Variants in DCLK1 observed in about 807,000 individuals in gnomAD.
DCLK1 encodes the protein serine/threonine-protein kinase DCLK1.
In DCLK1, 16 loss-of-function variants were observed where a neutral mutation model predicts 86.2. The observed-to-expected ratio is 0.19, with a 90% confidence interval of 0.13 to 0.28. The LOEUF (loss-of-function observed/expected upper bound fraction) is 0.28, where lower values mean the gene tolerates loss of function less well. DCLK1 is among the 10% of genes least tolerant of loss of function. DCLK1 has a pLI of 1.00. For missense variants in DCLK1, 590 were observed against 940.2 expected (o/e 0.63, Z 4.87); for synonymous variants, 369 against 370.5 (o/e 1.00, Z 0.05).
rs1872252624 is a variant in DCLK1 at position 35,871,215 on chromosome 13, C to A, written c.940+9G>T. On this transcript the variant is annotated intron_variant, in intron 5 of 16. Coordinates refer to ENST00000360631, the MANE Select transcript of DCLK1 (RefSeq NM_001330071.2). Reference sequence around the variant, plus strand: ...GGCAATTTCTTCAAAATCCCCTCTGCTGCTTTACCTGAGCTGGTGGAGGCA... The same window carrying A: ...GGCAATTTCTTCAAAATCCCCTCTGATGCTTTACCTGAGCTGGTGGAGGCA... 2 of 1,610,094 alleles carry A rather than the reference C, an allele frequency of 1.2e-6. No individual in the cohort carries two copies. Among genetic ancestry groups the A allele is most frequent in the African/African-American group, 2.7e-5 (2 of 74,776 alleles).
At position 35,881,171 on chromosome 13, in the gene DCLK1, A is replaced by G. The variant is rs1384017886; in HGVS notation, c.824-9831T>C. Reference sequence around the variant, plus strand: ...CTAAGTCAGACTTGCAGAAAAATCAATAACAAATTACAATGGTCTAGCTCT... The same window carrying G: ...CTAAGTCAGACTTGCAGAAAAATCAGTAACAAATTACAATGGTCTAGCTCT... On this transcript the variant is annotated intron_variant, in intron 4 of 16. Coordinates refer to ENST00000360631, the MANE Select transcript of DCLK1 (RefSeq NM_001330071.2). Among the ~76,000 whole-genome samples, 3 of 152,200 alleles carry G rather than the reference A, an allele frequency of 2.0e-5. No homozygotes were observed. The East Asian group carries it at 5.8e-4, about 29-fold the overall frequency.
chr13:35,872,957 T>C (rs1249480328), intron 4 of DCLK1, among the ~76,000 whole-genome samples: 2 of 152,166 alleles, frequency 1.3e-5, no homozygotes, highest in Admixed American at 1.3e-4. Flanking sequence ...ATCAAAACTG[T>C]TTTTCTAAAC....
At chr13:36,057,214 T>C (rs1883369754) in intron 3 of DCLK1, among the ~76,000 whole-genome samples, 1 of 152,132 alleles carries the variant, frequency 6.6e-6, no homozygotes, top group Non-Finnish European at 1.5e-5. Flanking sequence ...TCCAGATGAA[T>C]CCTGTCTTTT....
chr13:35,994,336 T>G (rs1336921161), intron 3 of DCLK1, among the ~76,000 whole-genome samples: 1 of 152,180 alleles, frequency 6.6e-6, no homozygotes, highest in African/African-American at 2.4e-5. Context: ...AAAGTGGTTC[T>G]CCTGAAGTTT....
chr13:36,008,756 G>C (rs1881143661), intron 3 of DCLK1, among the ~76,000 whole-genome samples: 1 of 151,322 alleles, frequency 6.6e-6, no homozygotes, highest in African/African-American at 2.4e-5. Context: ...GGATGGCTGG[G>C]TCAAATGGTA....
At chr13:36,099,135 T>A (rs1053905910) in intron 3 of DCLK1, among the ~76,000 whole-genome samples, 1 of 151,964 alleles carries the variant, frequency 6.6e-6, no homozygotes, top group African/African-American at 2.4e-5. Flanking sequence ...ACCTGGCTCA[T>A]TTTTGTATTT....
At chr13:35,924,597 C>T (rs1876003057) in intron 4 of DCLK1, among the ~76,000 whole-genome samples, 1 of 152,114 alleles carries the variant, frequency 6.6e-6, no homozygotes, top group African/African-American at 2.4e-5. Flanking sequence ...TTGTAGTGAG[C>T]CGAGATCGTG....
intron 2 of DCLK1, among the ~76,000 whole-genome samples, chr13:36,112,509 T>C (rs1368502648): frequency 1.3e-5 from 2 of 152,154 alleles, no homozygotes; most frequent in Non-Finnish European, 2.9e-5. Flanking sequence ...TAGAGAAGTG[T>C]GAAAGTGAAT....
At chr13:36,100,287 G>C (rs9546344) in intron 3 of DCLK1, among the ~76,000 whole-genome samples, 5 of 150,982 alleles carry the variant, frequency 3.3e-5, no homozygotes, top group African/African-American at 1.2e-4. Flanking sequence ...GCTGTGGTCA[G>C]AGAATTGCTT....
At chr13:35,914,770 G>A (rs868125675) in intron 4 of DCLK1, among the ~76,000 whole-genome samples, 2 of 151,980 alleles carry the variant, frequency 1.3e-5, no homozygotes, top group Non-Finnish European at 1.5e-5. Flanking sequence ...CAAATTCTGG[G>A]CTGTTTATGA....
At chr13:35,956,639 G>A (rs1877993898) in intron 3 of DCLK1, among the ~76,000 whole-genome samples, 1 of 152,306 alleles carries the variant, frequency 6.6e-6, no homozygotes, top group Non-Finnish European at 1.5e-5. Flanking sequence ...GCCAAGAGGT[G>A]TTCATAGCAG....
intron 3 of DCLK1, among the ~76,000 whole-genome samples, chr13:36,091,472 C>G (rs932008842): frequency 2.0e-5 from 3 of 152,206 alleles, no homozygotes; most frequent in Non-Finnish European, 2.9e-5. Flanking sequence ...ATCCTCAATA[C>G]TTGGCACGTA....
chr13:35,842,834 G>GT (rs538820049), intron 6 of DCLK1, among the ~76,000 whole-genome samples: 9 of 152,230 alleles, frequency 5.9e-5, no homozygotes, highest in East Asian at 1.9e-4. Context: ...GTCTCCTAAT[G>GT]TTTTTGCTCT....
At position 36,062,532 on chromosome 13, in the gene DCLK1, A is replaced by G. The variant is rs547459128; in HGVS notation, c.723+49337T>C. 2.2e-4 allele frequency among the ~76,000 whole-genome samples: 33 copies of G among 152,260 alleles called. No homozygotes were observed. The South Asian group carries it at 6.9e-3, about 32-fold the overall frequency. On this transcript the variant is annotated intron_variant, in intron 3 of 16. Coordinates refer to ENST00000360631, the MANE Select transcript of DCLK1 (RefSeq NM_001330071.2). ...TTGAATCCCAGCTATCACTTAATAT[A>G]CCTCTTTAAAAGTTAAACCTGTTGA... is the stretch of plus-strand genomic sequence containing the variant.
chr13:35,979,520 C>A (rs576591590), intron 3 of DCLK1, among the ~76,000 whole-genome samples: 2 of 152,190 alleles, frequency 1.3e-5, no homozygotes, highest in Non-Finnish European at 2.9e-5. Context: ...AAGGCCCACT[C>A]GTTTCTCACT....
At chr13:35,939,698 A>C (rs1876975071) in intron 4 of DCLK1, among the ~76,000 whole-genome samples, 1 of 152,222 alleles carries the variant, frequency 6.6e-6, no homozygotes, top group Non-Finnish European at 1.5e-5. Flanking sequence ...GCCCGGCCCT[A>C]TACTGTTTCT....
intron 3 of DCLK1, among the ~76,000 whole-genome samples, chr13:36,020,322 G>A (rs934724849): frequency 2.0e-5 from 3 of 152,048 alleles, no homozygotes; most frequent in African/African-American, 7.2e-5. Context: ...AGGTCATTGA[G>A]TTAAAAAAAT....
At chr13:35,950,590 A>G (rs1033629179) in intron 3 of DCLK1, among the ~76,000 whole-genome samples, 1 of 152,234 alleles carries the variant, frequency 6.6e-6, no homozygotes, top group Non-Finnish European at 1.5e-5. Flanking sequence ...GATGAAAAAC[A>G]TGCTTCTTGT....
intron 3 of DCLK1, among the ~76,000 whole-genome samples, chr13:36,105,062 T>G (rs971747154): frequency 6.6e-6 from 1 of 152,192 alleles, no homozygotes; most frequent in African/African-American, 2.4e-5. Flanking sequence ...TGCATTATTA[T>G]GCCATCTTAA....
Sources: allele counts gnomAD v4.1 joint callset (sites outside exome capture counted in the v4.1 genomes callset), GRCh38; gene constraint gnomAD v4.1.1; transcripts MANE v1.5; gene names NCBI Gene and HGNC (gene_info 2026-07-23, HGNC 2026-07-21).